PDE10A: variants seen among roughly 807,000 people sequenced by gnomAD.
PDE10A encodes the protein cAMP and cAMP-inhibited cGMP 3',5'-cyclic phosphodiesterase 10A.
PDE10A carries 39 observed loss-of-function variants against 97.7 expected under a neutral mutation model. The ratio of observed to expected loss-of-function variants is 0.40; its 90% CI spans 0.31 to 0.52. The LOEUF is 0.52. PDE10A is among the 20% of genes least tolerant of loss of function. The pLI, the probability that PDE10A is intolerant of heterozygous loss-of-function variation, is 0.56. For missense variants in PDE10A, 731 were observed against 1,047.8 expected, an observed-to-expected ratio of 0.70 and a Z score of 4.17; for synonymous variants, 371 against 376.8, an observed-to-expected ratio of 0.98 and a Z score of 0.18.
chr6:165,409,980 C>T (rs1001128877), intron 13 of PDE10A, among the ~76,000 whole-genome samples: 1 of 150,338 alleles, frequency 6.7e-6, no homozygotes, highest in Non-Finnish European at 1.5e-5. Context: ...TTTGAACCTG[C>T]TAGTCTAGTT....
intron 1 of PDE10A, among the ~76,000 whole-genome samples, chr6:165,574,590 T>C (rs1318595919): frequency 6.6e-6 from 1 of 152,222 alleles, no homozygotes; most frequent in African/African-American, 2.4e-5. Context: ...CAGAGAAACA[T>C]CACACTTGCT....
intron 1 of PDE10A, chr6:165,987,523 A>G (rs1785258832): frequency 2.8e-6 from 1 of 363,248 alleles, no homozygotes; most frequent in South Asian, 2.1e-5. Context: ...AGAACTGTCA[A>G]CTTACCCGCC....
chr6:165,470,057 A>G (rs572523714), intron 3 of PDE10A, among the ~76,000 whole-genome samples: 1 of 152,280 alleles, frequency 6.6e-6, no homozygotes, highest in Admixed American at 6.5e-5. Context: ...TGCTGCTACA[A>G]AGGAATACCT....
intron 18 of PDE10A, among the ~76,000 whole-genome samples, chr6:165,369,344 G>T (rs1189165235): frequency 6.6e-6 from 1 of 151,650 alleles, no homozygotes; most frequent in African/African-American, 2.4e-5. Flanking sequence ...AAATTTAGAA[G>T]AATGTATAAC....
At chr6:165,734,526 G>A (rs1321298709) in intron 1 of PDE10A, among the ~76,000 whole-genome samples, 1 of 152,098 alleles carries the variant, frequency 6.6e-6, no homozygotes, top group Non-Finnish European at 1.5e-5. Flanking sequence ...TTGAAGAAAA[G>A]AACAGGCAGA....
chr6:165,590,752 A>G (rs971990044), intron 1 of PDE10A, among the ~76,000 whole-genome samples: 23 of 152,208 alleles, frequency 1.5e-4, no homozygotes, highest in African/African-American at 4.3e-4. Flanking sequence ...TAAGCCGGGC[A>G]TGGTGGCGGG....
At chr6:165,986,393 A>G (rs897873927) in intron 1 of PDE10A, 3 of 153,286 alleles carry the variant, frequency 2.0e-5, no homozygotes, top group African/African-American at 7.3e-5. Flanking sequence ...AGGGGAAGGG[A>G]CTTGGGGTGG....
chr6:165,642,895 T>C (rs1789205929), intron 1 of PDE10A, among the ~76,000 whole-genome samples: 1 of 150,932 alleles, frequency 6.6e-6, no homozygotes, highest in South Asian at 2.1e-4. Flanking sequence ...TTGTGAATGA[T>C]GTATGTTCTC....
intron 1 of PDE10A, among the ~76,000 whole-genome samples, chr6:165,688,805 C>T (rs1412269337): frequency 1.3e-5 from 2 of 152,160 alleles, no homozygotes; most frequent in African/African-American, 4.8e-5. Flanking sequence ...CTCTCCTCCT[C>T]CTCCCTTCGT....
At chr6:165,533,005 T>C (rs567840646) in intron 2 of PDE10A, among the ~76,000 whole-genome samples, 3 of 152,190 alleles carry the variant, frequency 2.0e-5, no homozygotes, top group African/African-American at 4.8e-5. Flanking sequence ...ACAGAGAGCA[T>C]GGACTCAGTA....
At chr6:165,371,456 G>A (rs1363859443) in intron 18 of PDE10A, among the ~76,000 whole-genome samples, 1 of 151,890 alleles carries the variant, frequency 6.6e-6, no homozygotes, top group Admixed American at 6.6e-5. Flanking sequence ...ACACCTCTAC[G>A]CAAATAAACT....
intron 10 of PDE10A, among the ~76,000 whole-genome samples, chr6:165,424,517 G>A (rs1788976427): frequency 6.6e-6 from 1 of 152,066 alleles, no homozygotes; most frequent in South Asian, 2.1e-4. Flanking sequence ...TGGGGTCTTA[G>A]CTGATTTATA....
At chr6:165,473,188 A>G (rs1487505734) in intron 3 of PDE10A, among the ~76,000 whole-genome samples, 1 of 152,190 alleles carries the variant, frequency 6.6e-6, no homozygotes, top group Non-Finnish European at 1.5e-5. Context: ...ATAGCATAGT[A>G]AAAAACAGAA....
At chr6:165,367,526 T>C (rs1289529920) in intron 18 of PDE10A, among the ~76,000 whole-genome samples, 1 of 151,792 alleles carries the variant, frequency 6.6e-6, no homozygotes, top group Non-Finnish European at 1.5e-5. Context: ...TTCTCCAAAC[T>C]TCACTGAAAT....
At chr6:165,961,603 A>G (rs697464) in intron 1 of PDE10A, among the ~76,000 whole-genome samples, 145,685 of 152,296 alleles carry the variant, frequency 0.96, 69,734 homozygotes, top group East Asian at 1. Context: ...AGTCCCCTCC[A>G]CAAGCTTGGA....
intron 1 of PDE10A, among the ~76,000 whole-genome samples, chr6:165,550,944 C>A (rs750935356): frequency 1.3e-5 from 2 of 152,142 alleles, no homozygotes; most frequent in Non-Finnish European, 2.9e-5. Flanking sequence ...TTATTAGTTT[C>A]AAAAGACAAT....
At chr6:165,511,792 T>C (rs557672762) in intron 2 of PDE10A, among the ~76,000 whole-genome samples, 87 of 152,102 alleles carry the variant, frequency 5.7e-4, no homozygotes, top group African/African-American at 1.9e-3. Context: ...TTCTTTATGG[T>C]TTTTTACTTA....
intron 10 of PDE10A, among the ~76,000 whole-genome samples, chr6:165,428,087 ATT>A (rs750493221): frequency 3.9e-5 from 6 of 152,168 alleles, no homozygotes; most frequent in Non-Finnish European, 5.9e-5. Flanking sequence ...TAGAAAGAAC[ATT>A]TATTAAAGCA....
chr6:165,565,336 C>T (rs1305594692), intron 1 of PDE10A, among the ~76,000 whole-genome samples: 1 of 151,986 alleles, frequency 6.6e-6, no homozygotes, highest in African/African-American at 2.4e-5. Flanking sequence ...ATTAAAGGCA[C>T]AATATCATTT....
Sources: allele counts gnomAD v4.1 joint callset (sites outside exome capture counted in the v4.1 genomes callset), GRCh38; gene constraint gnomAD v4.1.1; transcripts MANE v1.5; gene names NCBI Gene and HGNC (gene_info 2026-07-23, HGNC 2026-07-21).